ETS1: variants seen among roughly 807,000 people sequenced by gnomAD.
ETS1 encodes the protein ETS proto-oncogene 1, transcription factor, also known as protein C-ets-1.
ETS1 carries 15 observed loss-of-function variants against 58.6 expected under a neutral mutation model. The ratio of observed to expected loss-of-function variants is 0.26; its 90% CI spans 0.17 to 0.39. The LOEUF is 0.39. Ranked by LOEUF, ETS1 falls within the 10% of genes least tolerant of loss-of-function variation. The probability of loss-of-function intolerance (pLI) is 1.00; values close to 1 mark genes in which losing one functional copy is unlikely to be tolerated. For synonymous variants in ETS1, 214 were observed against 218.2 expected, an observed-to-expected ratio of 0.98 and a Z score of 0.17; for missense variants, 417 against 610.5, an observed-to-expected ratio of 0.68 and a Z score of 3.34.
intron 2 of ETS1, among the ~76,000 whole-genome samples, chr11:128,557,824 A>G (rs1864336230): frequency 6.6e-6 from 1 of 152,234 alleles, no homozygotes; most frequent in African/African-American, 2.4e-5. Flanking sequence ...CCTGAAGACT[A>G]GCTTGCAACT....
chr11:128,467,874 G>A (rs1862080355), intron 8 of ETS1, among the ~76,000 whole-genome samples: 2 of 151,988 alleles, frequency 1.3e-5, no homozygotes, highest in South Asian at 4.1e-4. Context: ...AGCCATGCGG[G>A]CGGGAGAGCA....
At chr11:128,502,523 C>G (rs1243920064) in intron 3 of ETS1, among the ~76,000 whole-genome samples, 1 of 152,164 alleles carries the variant, frequency 6.6e-6, no homozygotes, top group African/African-American at 2.4e-5. Context: ...GGAGCTTTTC[C>G]CTGGGAAAGT....
At chr11:128,469,104 G>T (rs926847833) in intron 8 of ETS1, among the ~76,000 whole-genome samples, 2 of 152,212 alleles carry the variant, frequency 1.3e-5, no homozygotes, top group Non-Finnish European at 2.9e-5. Context: ...GTGACCCTCA[G>T]GCTGCATTTC....
intron 3 of ETS1, among the ~76,000 whole-genome samples, chr11:128,521,610 G>C (rs1277029216): frequency 6.6e-6 from 1 of 152,082 alleles, no homozygotes; most frequent in Non-Finnish European, 1.5e-5. Flanking sequence ...GCTCATTTGG[G>C]AAAATAAAAA....
At position 128,490,430 on chromosome 11, in the gene ETS1, ACT is replaced by A. The variant is rs755021579; in HGVS notation, c.334+25_334+26del. 1.9e-6 allele frequency: 3 copies of A among 1,612,432 alleles called. No homozygotes were observed. The Admixed American group carries it at 5.0e-5, about 27-fold the overall frequency. On this transcript the variant is annotated intron_variant, in intron 4 of 9. Coordinates refer to ENST00000392668, the MANE Select transcript of ETS1 (RefSeq NM_001143820.2). Reference sequence around the variant, plus strand: ...CTTCCCAAAGGGTCTGACCCCAACCACTCTTTTTCCAACTACAAAACCATACC... The same window carrying A: ...CTTCCCAAAGGGTCTGACCCCAACCACTTTTTCCAACTACAAAACCATACC...
intron 3 of ETS1, among the ~76,000 whole-genome samples, chr11:128,555,943 C>A (rs1197726356): frequency 2.0e-5 from 3 of 152,218 alleles, no homozygotes; most frequent in African/African-American, 7.2e-5. Context: ...GAAGGCCGAG[C>A]AATTCACACA....
At chr11:128,527,809 A>G (rs1863827907) in intron 3 of ETS1, among the ~76,000 whole-genome samples, 1 of 152,348 alleles carries the variant, frequency 6.6e-6, no homozygotes, top group South Asian at 2.1e-4. Flanking sequence ...CTCTTGGGTT[A>G]CAAAGACAAC....
At chr11:128,533,631 T>C (rs1863932028) in intron 3 of ETS1, among the ~76,000 whole-genome samples, 1 of 152,208 alleles carries the variant, frequency 6.6e-6, no homozygotes, top group Admixed American at 6.5e-5. Context: ...AGCCCTGTTC[T>C]ACCTGCCCAG....
chr11:128,462,923 G>A (rs1425701801), intron 9 of ETS1, among the ~76,000 whole-genome samples: 2 of 152,188 alleles, frequency 1.3e-5, no homozygotes, highest in Admixed American at 6.5e-5. Context: ...TGCTTTGCAA[G>A]CATGAAATCT....
Position 128,489,284 on chromosome 11 carries a change from A to G in ETS1, c.535+6T>C. ...CCTCCACCTCTCTCTGTTTCCACAT[A>G]TTTACCTTTCTGCAGGATCTCTAGA... On this transcript the variant is annotated splice_donor_region_variant and intron_variant, in intron 5 of 9. Transcript: ENST00000392668. 6.2e-7 allele frequency: 1 copy of G among 1,613,422 alleles called. No individual in the cohort carries two copies.
chr11:128,582,857 C>T (rs532392432), intron 1 of ETS1, among the ~76,000 whole-genome samples: 8 of 151,962 alleles, frequency 5.3e-5, no homozygotes, highest in African/African-American at 1.7e-4. Context: ...GATATAATGT[C>T]GATCTTTTGT....
intron 2 of ETS1, among the ~76,000 whole-genome samples, chr11:128,566,915 G>C (rs896155058): frequency 6.6e-6 from 1 of 152,174 alleles, no homozygotes; most frequent in Non-Finnish European, 1.5e-5. Flanking sequence ...AGGAGTAAAG[G>C]CTCTATCTCA....
chr11:128,546,661 T>G (rs1032345878), intron 3 of ETS1, among the ~76,000 whole-genome samples: 2 of 151,784 alleles, frequency 1.3e-5, no homozygotes, highest in African/African-American at 2.4e-5. Context: ...TAAAAAAAAT[T>G]TTTTTTTTGC....
At chr11:128,569,490 C>T (rs1431259655) in intron 2 of ETS1, among the ~76,000 whole-genome samples, 2 of 151,460 alleles carry the variant, frequency 1.3e-5, no homozygotes, top group Admixed American at 1.3e-4. Flanking sequence ...ACTTTCTTAT[C>T]TAGGAAAGTT....
intron 3 of ETS1, 107 bp downstream of exon 3, chr11:128,556,184 T>TTATTCCATTCAAGA: frequency 1.0e-6 from 1 of 987,454 alleles, no homozygotes. Context: ...ATAGCATCTG[T>TTATTCCATTCAAGA]ACCCGCATAA....
At chr11:128,484,069 C>T (rs887426595) in intron 7 of ETS1, among the ~76,000 whole-genome samples, 2 of 152,162 alleles carry the variant, frequency 1.3e-5, no homozygotes, top group African/African-American at 4.8e-5. Flanking sequence ...GTGTTTATGT[C>T]CTGTTCCTAA....
intron 3 of ETS1, among the ~76,000 whole-genome samples, chr11:128,523,469 G>A (rs1353796953): frequency 6.6e-6 from 1 of 152,174 alleles, no homozygotes; most frequent in Admixed American, 6.5e-5. Context: ...AAATCTTCCT[G>A]AGCAATCTCA....
intron 4 of ETS1, among the ~76,000 whole-genome samples, chr11:128,490,095 G>A (rs931627161): frequency 6.6e-6 from 1 of 152,178 alleles, no homozygotes; most frequent in Non-Finnish European, 1.5e-5. Context: ...TTGATAACAT[G>A]CAATCTTCAT....
At chr11:128,462,663 C>T in intron 9 of ETS1, 87 bp from the exon 10 acceptor site, 1 of 960,468 alleles carries the variant, frequency 1.0e-6, no homozygotes, top group Non-Finnish European at 1.6e-6. Context: ...CTATGCTATA[C>T]CCATTCATGG....
Sources: allele counts gnomAD v4.1 joint callset (sites outside exome capture counted in the v4.1 genomes callset), GRCh38; gene constraint gnomAD v4.1.1; transcripts MANE v1.5; gene names NCBI Gene and HGNC (gene_info 2026-07-23, HGNC 2026-07-21).